Variants in DISP3 observed in about 807,000 individuals in gnomAD.
DISP3 encodes protein dispatched homolog 3.
A neutral mutation model predicts 135.3 loss-of-function variants in DISP3; 101 were observed. That is an observed-to-expected ratio of 0.75 (90% CI 0.64 to 0.88). DISP3 has a LOEUF of 0.88. DISP3 is among the 40% of genes least tolerant of loss of function. DISP3 has a pLI of 0.00. For synonymous variants in DISP3, 856 were observed against 817.0 expected, an observed-to-expected ratio of 1.05 and a Z score of -0.81; for missense variants, 1,713 against 1,878.6, an observed-to-expected ratio of 0.91 and a Z score of 1.63.
Position 11,536,819 on chromosome 1 carries a change from G to A in DISP3, c.*133G>A, listed in dbSNP as rs1258917894. The A allele has an allele frequency of 5.8e-6, 7 of 1,197,124 alleles. No homozygotes were observed. Among genetic ancestry groups the A allele is most frequent in the Non-Finnish European group, 6.8e-6 (6 of 885,616 alleles). The allele number at this position is 1,197,124 out of a possible 1,614,324, so 74.2% of individuals were successfully genotyped here. The stretch of plus-strand genomic sequence containing the variant: ...CGCCCTGCGGGCCAGCGTGGAGGCT[G>A]ACACCCACACAGATGGTGTGGACCA... On this transcript the variant is annotated 3_prime_UTR_variant, in exon 21 of 21. Transcript: ENST00000294484. This position sits in a 1 kb window ranked among gnomAD's most constrained non-coding sequence, Gnocchi z 4.3.
At chr1:11,497,707 T>C (rs1243620437) in intron 1 of DISP3, among the ~76,000 whole-genome samples, 1 of 152,158 alleles carries the variant, frequency 6.6e-6, no homozygotes, top group African/African-American at 2.4e-5. Flanking sequence ...ATTCTTATGC[T>C]TTTGCGTCCT....
chr1:11,503,394 G>T (rs564159430), intron 3 of DISP3, among the ~76,000 whole-genome samples: 2 of 152,334 alleles, frequency 1.3e-5, no homozygotes, highest in South Asian at 4.1e-4. Context: ...GATGCTGGTA[G>T]TATAGCTCAG....
chr1:11,503,011 T>C, intron 3 of DISP3, 114 bp downstream of exon 3: 1 of 998,758 alleles, frequency 1.0e-6, no homozygotes. Context: ...GAAGTCTTTC[T>C]TTCCAAATTG....
intron 5 of DISP3, 86 bp downstream of exon 5, chr1:11,515,589 T>C (rs561155189): frequency 1.3e-6 from 2 of 1,514,054 alleles, no homozygotes; most frequent in Admixed American, 2.1e-5. Flanking sequence ...AAAGCCTGGC[T>C]TCCCTGGGGG....
At position 11,479,341 on chromosome 1, in the gene DISP3, C is replaced by T; in HGVS notation, c.-35C>T. Reference sequence around the variant, plus strand: ...CTCTGCGCACTCTCTCCCGCGCCGGCGGCTCAGCCTAGCCCCGTTCGGCCG... The same window carrying T: ...CTCTGCGCACTCTCTCCCGCGCCGGTGGCTCAGCCTAGCCCCGTTCGGCCG... On this transcript the variant is annotated 5_prime_UTR_variant, in exon 1 of 21. Transcript: ENST00000294484. The T allele has an allele frequency of 6.5e-6, 1 of 154,228 alleles. No individual in the cohort carries two copies. 9.6% of individuals were successfully genotyped at this position (154,228 alleles called of 1,614,324 possible).
At chr1:11,515,323 C>T in intron 4 of DISP3, 46 bp from the exon 5 acceptor site, 2 of 1,611,040 alleles carry the variant, frequency 1.2e-6, no homozygotes, top group Non-Finnish European at 1.7e-6. Flanking sequence ...GTTTGTGTCC[C>T]ATGAGGGTCC....
At chr1:11,522,857 A>G in intron 10 of DISP3, among the ~76,000 whole-genome samples, 1 of 53,710 alleles carries the variant, frequency 1.9e-5, no homozygotes, top group Non-Finnish European at 3.6e-5. Flanking sequence ...GAGCCCAGCC[A>G]GGACCCAGCC....
chr1:11,480,677 GCACACACACACACACACA>G (rs70983561), intron 1 of DISP3, among the ~76,000 whole-genome samples: 172 of 142,752 alleles, frequency 1.2e-3, no homozygotes, highest in African/African-American at 2.9e-3. Context: ...GCGCGCGCGT[GCACACACACACACACACA>G]CACACACACA....
intron 3 of DISP3, among the ~76,000 whole-genome samples, chr1:11,507,008 A>G (rs1298016160): frequency 1.3e-5 from 2 of 152,054 alleles, no homozygotes; most frequent in Non-Finnish European, 2.9e-5. Context: ...GCGTTTCACT[A>G]TGTTGCCCAC....
intron 1 of DISP3, among the ~76,000 whole-genome samples, chr1:11,492,121 CAAAAAAAAAAAA>C (rs59755389): frequency 5.5e-4 from 34 of 62,148 alleles, no homozygotes; most frequent in African/African-American, 1.9e-3. Context: ...GACTCCGTCT[CAAAAAAAAAAAA>C]AAAAAAAAAA....
chr1:11,522,468 C>T (rs549954032), intron 10 of DISP3, among the ~76,000 whole-genome samples: 69 of 152,286 alleles, frequency 4.5e-4, no homozygotes, highest in African/African-American at 1.5e-3. Context: ...TCACCGCCGC[C>T]ACAGGCCTCC....
intron 1 of DISP3, among the ~76,000 whole-genome samples, chr1:11,485,598 G>T (rs914434470): frequency 1.3e-5 from 2 of 152,168 alleles, no homozygotes; most frequent in African/African-American, 2.4e-5. Flanking sequence ...CCCTGCAACT[G>T]CATTGACCTT....
chr1:11,491,584 C>G lies in DISP3; in HGVS notation c.-3-9406C>G, dbSNP rs1292575694. On this transcript the variant is annotated intron_variant, in intron 1 of 20. Coordinates refer to ENST00000294484, the MANE Select transcript of DISP3 (RefSeq NM_020780.2). This position sits in a 1 kb window ranked among gnomAD's most constrained non-coding sequence, Gnocchi z 4.3. The stretch of plus-strand genomic sequence containing the variant: ...CATCATAGTGTCACTGCACTCCAGC[C>G]TGGGTGACAGAGTGAGATCCCATCT... 6.6e-6 allele frequency among the ~76,000 whole-genome samples: 1 copy of G among 152,068 alleles called. No individual in the cohort carries two copies. The highest frequency in any genetic ancestry group is 2.4e-5 in the African/African-American group (1 of 41,398).
At chr1:11,485,645 G>C (rs184029904) in intron 1 of DISP3, among the ~76,000 whole-genome samples, 67 of 152,196 alleles carry the variant, frequency 4.4e-4, no homozygotes, top group African/African-American at 1.6e-3. Flanking sequence ...TCTTCGTTGG[G>C]GAGCTCTGCA....
In DISP3 at chr1:11,501,755, C is replaced by A; in HGVS notation, c.763C>A (p.Arg255Ser). The A allele has an allele frequency of 6.3e-7, 1 of 1,591,834 alleles. No individual in the cohort carries two copies. Among genetic ancestry groups the A allele is most frequent in the Non-Finnish European group, 8.6e-7 (1 of 1,167,208 alleles). ...GAGCCGTGCCCGCCGAGGCGCCTCGCGCTGGGACTACTCGCGCGCCTATGT... is the reference window on the plus strand; with the variant it reads ...GAGCCGTGCCCGCCGAGGCGCCTCGAGCTGGGACTACTCGCGCGCCTATGT... The part of the protein sequence containing the change: ...NQSRARRGAS[R>S]WDYSRAYVSA... The change falls in exon 2 of 21, where the codon CGC becomes AGC. Residue 255 changes from arginine to serine, a missense_variant. Physicochemically the swap from Arg to Ser is moderately radical, Grantham distance 110. Coordinates refer to ENST00000294484, the MANE Select transcript of DISP3 (RefSeq NM_020780.2). This position sits in a 1 kb window ranked among gnomAD's most constrained non-coding sequence, Gnocchi z 4.9.
intron 1 of DISP3, among the ~76,000 whole-genome samples, chr1:11,484,580 A>G (rs1475967691): frequency 6.6e-6 from 1 of 152,194 alleles, no homozygotes; most frequent in Admixed American, 6.5e-5. Flanking sequence ...GGGAGAGAAG[A>G]TGCTGGAGAG....
In DISP3 at chr1:11,519,551, G is replaced by A. The variant is rs34563951; in HGVS notation, c.2038+48G>A. 33,398 of 1,600,740 alleles carry A rather than the reference G, an allele frequency of 0.021. 419 individuals carry two copies. Among genetic ancestry groups the A allele is most frequent in the Non-Finnish European group, 0.024 (28,236 of 1,172,058 alleles). On this transcript the variant is annotated intron_variant, in intron 8 of 20. Coordinates refer to ENST00000294484, the MANE Select transcript of DISP3 (RefSeq NM_020780.2). This position sits in a 1 kb window ranked among gnomAD's most constrained non-coding sequence, Gnocchi z 4.3. ...CCTACTGACCCCAGTGAGACCCAGC[G>A]CTGCCTCTGCCAGGGGAGTAACACT... is the stretch of plus-strand genomic sequence containing the variant.
rs1430383745 is a variant in DISP3, at chr1:11,520,843, G to C, written c.2357G>C (p.Cys786Ser). ...LSAEGISCIT[C>S]SGLFQEKPHS... ...GCCGAGGGCATCTCCTGCATCACCT[G>C]TTCAGGTGAGGCTTCTAGCCAGGCT... The change falls in exon 10 of 21, where the codon TGT becomes TCT. Residue 786 changes from cysteine (C) to serine (S), a missense_variant. By Grantham distance (112) the Cys-to-Ser change is moderately radical. This residue lies in a region of DISP3 where 1,142 missense variants were observed against 1,384.6 expected (regional missense o/e 0.82). Coordinates refer to ENST00000294484, the MANE Select transcript of DISP3 (RefSeq NM_020780.2). The surrounding 1 kb of genome is among the most constrained non-coding windows in gnomAD (Gnocchi z 4.8). The C allele has an allele frequency of 1.2e-6, 2 of 1,600,470 alleles. No homozygotes were observed. The highest frequency in any genetic ancestry group is 1.7e-6 in the Non-Finnish European group (2 of 1,173,522).
At position 11,519,907 on chromosome 1, in the gene DISP3, C is replaced by T; in HGVS notation, c.2200+27C>T. The T allele has an allele frequency of 6.3e-7, 1 of 1,585,538 alleles. No individual in the cohort carries two copies. The highest frequency in any genetic ancestry group is 8.6e-7 in the Non-Finnish European group (1 of 1,165,516). ...TAAGTGGGCCCTCCGGCCCTGCCCC[C>T]TGTCTCACAGCTCCACCCCCAAAAC... On this transcript the variant is annotated intron_variant, in intron 9 of 20. Coordinates refer to ENST00000294484, the MANE Select transcript of DISP3 (RefSeq NM_020780.2). The surrounding 1 kb of genome is among the most constrained non-coding windows in gnomAD (Gnocchi z 4.3).
Sources: gnomAD v4.1 joint callset for allele counts (sites outside exome capture counted in the v4.1 genomes callset) on GRCh38, gnomAD v4.1.1 for gene constraint, gnomAD v4.1.1 regional missense constraint, Gnocchi (gnomAD v3.1) non-coding constraint, MANE v1.5 for transcripts, NCBI Gene and HGNC (gene_info 2026-07-23, HGNC 2026-07-21) for gene names.